KLHL6: variants seen among roughly 807,000 people sequenced by gnomAD.
The protein encoded by KLHL6 is kelch-like protein 6.
Under a neutral mutation model 58.6 loss-of-function variants are expected in KLHL6, and 41 were observed. The ratio of observed to expected loss-of-function variants is 0.70; its 90% CI spans 0.55 to 0.91. The LOEUF (loss-of-function observed/expected upper bound fraction) is 0.91, where lower values mean the gene tolerates loss of function less well. Among genes scored for constraint, KLHL6 ranks in the 40% least tolerant of loss-of-function variants. KLHL6 has a pLI of 0.00. For missense variants in KLHL6, 714 were observed against 805.6 expected (o/e 0.89, Z 1.38); for synonymous variants, 338 against 322.7 (o/e 1.05, Z -0.51).
In KLHL6 at chr3:183,502,376, G is replaced by A. The variant is rs6771582; in HGVS notation, c.910-2549C>T. 5.1e-3 allele frequency among the ~76,000 whole-genome samples: 772 copies of A among 152,138 alleles called. 10 individuals carry two copies. The highest frequency in any genetic ancestry group is 0.017 in the African/African-American group (716 of 41,494). ...AGGTAACTCAGTCTAAATCATTGTG[G>A]TAGTGAGCATCCACGATGGCCCCAG... On this transcript the variant is annotated intron_variant, in intron 3 of 6. Coordinates refer to ENST00000341319, the MANE Select transcript of KLHL6 (RefSeq NM_130446.4).
intron 2 of KLHL6, among the ~76,000 whole-genome samples, chr3:183,515,646 C>T (rs1289712758): frequency 6.6e-6 from 1 of 152,200 alleles, no homozygotes; most frequent in Non-Finnish European, 1.5e-5. Flanking sequence ...GACGGCTTCT[C>T]CTATTCCCCA....
intron 1 of KLHL6, among the ~76,000 whole-genome samples, chr3:183,546,045 T>A (rs982827283): frequency 1.3e-4 from 20 of 152,162 alleles, no homozygotes; most frequent in African/African-American, 4.8e-4. Flanking sequence ...AAGAATAAGG[T>A]GGTCACTGCC....
chr3:183,535,297 G>A (rs181604084), intron 1 of KLHL6, among the ~76,000 whole-genome samples: 1 of 152,154 alleles, frequency 6.6e-6, no homozygotes, highest in Non-Finnish European at 1.5e-5. Flanking sequence ...CAATTCAAAT[G>A]CCCAACAGCC....
intron 4 of KLHL6, among the ~76,000 whole-genome samples, chr3:183,495,428 G>A (rs114679054): frequency 0.022 from 3,389 of 152,050 alleles, 67 homozygotes; most frequent in Middle Eastern, 0.054. Context: ...ATATAGTTTG[G>A]CTATTTTCCT....
intron 4 of KLHL6, among the ~76,000 whole-genome samples, chr3:183,498,104 C>A (rs994498629): frequency 6.6e-6 from 1 of 151,972 alleles, no homozygotes; most frequent in Non-Finnish European, 1.5e-5. Flanking sequence ...TGTGGTGCCA[C>A]GTGCCTGTAA....
intron 1 of KLHL6, among the ~76,000 whole-genome samples, chr3:183,528,353 A>G (rs1478585085): frequency 2.6e-5 from 4 of 152,128 alleles, no homozygotes; most frequent in Non-Finnish European, 5.9e-5. Context: ...CCAGCACCCA[A>G]ACAGGGCTTC....
chr3:183,532,911 C>G (rs1712206474), intron 1 of KLHL6, among the ~76,000 whole-genome samples: 2 of 152,196 alleles, frequency 1.3e-5, no homozygotes, highest in African/African-American at 4.8e-5. Context: ...ATGGGTGCCA[C>G]TAGAGTCAAG....
At position 183,555,210 on chromosome 3, in the gene KLHL6, T is replaced by C; in HGVS notation, c.293+151A>G. On this transcript the variant is annotated intron_variant, in intron 1 of 6. Coordinates refer to ENST00000341319, the MANE Select transcript of KLHL6 (RefSeq NM_130446.4). ...AATAATAAAATAAAGTGTGATAGTG[T>C]CCTTTCTTATATTTTAAGTAGACAC... The C allele has an allele frequency of 5.8e-6, 3 of 519,310 alleles. No homozygotes were observed. In the Admixed American group the frequency reaches 1.1e-4, roughly 19 times the overall value. The allele number at this position is 519,310 out of a possible 1,614,324, so 32.2% of individuals were successfully genotyped here. A position where few individuals can be genotyped will look rare whatever the true frequency, so the allele number is the denominator to read the frequency against.
At chr3:183,531,890 G>A (rs1577196681) in intron 1 of KLHL6, among the ~76,000 whole-genome samples, 1 of 152,330 alleles carries the variant, frequency 6.6e-6, no homozygotes, top group Admixed American at 6.5e-5. Context: ...TATACATAAA[G>A]TCTCACCCAT....
chr3:183,531,454 T>A (rs865897574), intron 1 of KLHL6, among the ~76,000 whole-genome samples: 2 of 131,976 alleles, frequency 1.5e-5, no homozygotes, highest in South Asian at 2.5e-4. Context: ...TTTTTTTTTT[T>A]TTTTTTTTTT....
chr3:183,501,315 G>T (rs1469933530), intron 3 of KLHL6, among the ~76,000 whole-genome samples: 1 of 152,302 alleles, frequency 6.6e-6, no homozygotes, highest in East Asian at 1.9e-4. Context: ...TCAGGTGTCA[G>T]CCCTGGTTCC....
At chr3:183,534,087 T>TTACTTTTAAAG (rs1553812537) in intron 1 of KLHL6, among the ~76,000 whole-genome samples, 4 of 108,236 alleles carry the variant, frequency 3.7e-5, no homozygotes, top group Non-Finnish European at 8.6e-5. Flanking sequence ...TAAAAGTACT[T>TTACTTTTAAAG]TACTTTTAAA....
chr3:183,555,551 T>G lies in KLHL6; in HGVS notation c.103A>C (p.Thr35Pro). Residue 35 changes from threonine to proline, a missense_variant, in exon 1 of 7, where the codon ACA (threonine) becomes CCA (proline). Thr to Pro is a conservative substitution (Grantham distance 38, BLOSUM62 -1). Around this residue, in one of 2 missense-constraint regions of KLHL6, gnomAD observed 204 missense variants for 175.9 expected, o/e 1.16. Coordinates refer to ENST00000341319, the MANE Select transcript of KLHL6 (RefSeq NM_130446.4). ...APSTDEPSQK[T>P]GDLVEILNGE... ...TTTAAGATCTCGACCAAGTCTCCTG[T>G]TTTCTGGGAGGGCTCATCTGTAGAA... 6.2e-7 allele frequency: 1 copy of G among 1,614,086 alleles called. No individual in the cohort carries two copies.
Position 183,499,759 on chromosome 3 carries a change from G to A in KLHL6, c.978C>T (p.Gly326=). 1 of 1,609,434 alleles carries A rather than the reference G, an allele frequency of 6.2e-7. No individual in the cohort carries two copies. The highest frequency in any genetic ancestry group is 8.5e-7 in the Non-Finnish European group (1 of 1,178,156). Residue 326 remains glycine, a synonymous_variant, in exon 4 of 7, where the codon GGC becomes GGT. Transcript: ENST00000341319. This position sits in a 1 kb window ranked among gnomAD's most constrained non-coding sequence, Gnocchi z 4.6. ...CCACAAACCGTTCATCCTTCGTGCA[G>A]CCGCCAATGATCATGAACACCTCAG... ...FQSEVFMIIG[G]CTKDERFVAE...
intron 2 of KLHL6, among the ~76,000 whole-genome samples, chr3:183,523,847 C>T (rs555567438): frequency 6.6e-6 from 1 of 152,114 alleles, no homozygotes; most frequent in Non-Finnish European, 1.5e-5. Flanking sequence ...GCAACCTCCC[C>T]CTTCCGGGTT....
intron 2 of KLHL6, among the ~76,000 whole-genome samples, chr3:183,513,779 G>C (rs762090353): frequency 1.3e-5 from 2 of 151,916 alleles, no homozygotes; most frequent in Non-Finnish European, 2.9e-5. Context: ...ATAGGTATAC[G>C]TGTGCCATGG....
Position 183,494,094 on chromosome 3 carries a change from G to A in KLHL6, c.1335C>T (p.His445=). ...TGTCCTATACCTCTGACCAGCAGTT[G>A]TGAAAGGGGTCGTAGGTCTCCACAT... ...INNVETYDPF[H]NCWSEAAPLL... The change falls in exon 5 of 7, where the codon CAC becomes CAT. Residue 445 remains histidine, a synonymous_variant. Coordinates refer to ENST00000341319, the MANE Select transcript of KLHL6 (RefSeq NM_130446.4). The A allele has an allele frequency of 2.5e-6, 4 of 1,614,114 alleles. No individual in the cohort carries two copies. Among genetic ancestry groups the A allele is most frequent in the Non-Finnish European group, 3.4e-6 (4 of 1,179,950 alleles).
intron 4 of KLHL6, among the ~76,000 whole-genome samples, chr3:183,496,463 C>T (rs1328583928): frequency 6.6e-6 from 1 of 152,140 alleles, no homozygotes; most frequent in African/African-American, 2.4e-5. Context: ...TCACATATGA[C>T]CACTTCCAGG....
intron 3 of KLHL6, among the ~76,000 whole-genome samples, chr3:183,501,977 C>T (rs1364346448): frequency 1.3e-5 from 2 of 152,138 alleles, no homozygotes; most frequent in Non-Finnish European, 2.9e-5. Flanking sequence ...AGCTTGTGGG[C>T]ATCTATAAAC....
Sources: allele counts gnomAD v4.1 joint callset (sites outside exome capture counted in the v4.1 genomes callset), GRCh38; gene constraint gnomAD v4.1.1; regional missense constraint gnomAD v4.1.1; non-coding constraint Gnocchi (gnomAD v3.1); transcripts MANE v1.5; gene names NCBI Gene and HGNC (gene_info 2026-07-23, HGNC 2026-07-21).